The following AGPAT3 variants were observed in gnomAD, a reference collection of about 807,000 sequenced individuals.
The protein encoded by AGPAT3 is 1-acyl-sn-glycerol-3-phosphate acyltransferase gamma.
Under a neutral mutation model 47.3 loss-of-function variants are expected in AGPAT3, and 5 were observed. That is an observed-to-expected ratio of 0.11 (90% CI 0.06 to 0.22). AGPAT3 has a LOEUF of 0.22. Among genes scored for constraint, AGPAT3 ranks in the 10% least tolerant of loss-of-function variants. AGPAT3 has a pLI of 1.00. For synonymous variants in AGPAT3, 212 were observed against 208.3 expected (o/e 1.02, Z -0.15); for missense variants, 315 against 493.0 (o/e 0.64, Z 3.42).
chr21:43,932,044 A>G lies in AGPAT3; in HGVS notation c.-48-27590A>G, dbSNP rs1213276211. Among the ~76,000 whole-genome samples, 1 of 152,040 alleles carries G rather than the reference A, an allele frequency of 6.6e-6. No homozygotes were observed. Among genetic ancestry groups the G allele is most frequent in the Non-Finnish European group, 1.5e-5 (1 of 68,018 alleles). On this transcript the variant is annotated intron_variant, in intron 2 of 9. Coordinates refer to ENST00000291572, the MANE Select transcript of AGPAT3 (RefSeq NM_020132.5). The surrounding 1 kb of genome is among the most constrained non-coding windows in gnomAD (Gnocchi z 5.2). ...GTGTATATGGAGTACCATGTGATCT[A>G]TGTGTACATTGTAGAAAGATTAATT...
intron 2 of AGPAT3, among the ~76,000 whole-genome samples, chr21:43,918,800 C>T (rs2086822596): frequency 1.3e-5 from 2 of 152,196 alleles, no homozygotes; most frequent in Admixed American, 1.3e-4. Flanking sequence ...TGGTCTTGAA[C>T]TCCTGGCCTC....
chr21:43,912,934 C>T (rs2086658100), intron 2 of AGPAT3, among the ~76,000 whole-genome samples: 1 of 152,242 alleles, frequency 6.6e-6, no homozygotes, highest in Admixed American at 6.5e-5. Context: ...GAAATGCTGA[C>T]TGTGGCCTGT....
intron 2 of AGPAT3, among the ~76,000 whole-genome samples, chr21:43,959,082 TG>T (rs542882562): frequency 1.6e-4 from 20 of 122,028 alleles, no homozygotes; most frequent in Middle Eastern, 6.0e-3. Flanking sequence ...GTGTGGTTTG[TG>T]GTGTGTGTGT....
At chr21:43,868,810 T>C (rs1010349194) in intron 1 of AGPAT3, among the ~76,000 whole-genome samples, 6 of 152,160 alleles carry the variant, frequency 3.9e-5, no homozygotes, top group Non-Finnish European at 7.4e-5. Flanking sequence ...TCTACATCCC[T>C]GTAAGGAGAG....
At chr21:43,873,068 G>A (rs960923918) in intron 1 of AGPAT3, among the ~76,000 whole-genome samples, 2 of 152,212 alleles carry the variant, frequency 1.3e-5, no homozygotes, top group Non-Finnish European at 2.9e-5. Context: ...GAGCACTGGT[G>A]CCAGCGTGGC....
chr21:43,923,045 G>T (rs2086941607), intron 2 of AGPAT3, among the ~76,000 whole-genome samples: 1 of 152,182 alleles, frequency 6.6e-6, no homozygotes, highest in Admixed American at 6.5e-5. Flanking sequence ...AAAACCAGCT[G>T]CAGGTGTCTG....
chr21:43,952,451 C>T lies in AGPAT3; in HGVS notation c.-48-7183C>T, dbSNP rs578174483. Among the ~76,000 whole-genome samples, 2 of 152,206 alleles carry T rather than the reference C, an allele frequency of 1.3e-5. No individual in the cohort carries two copies. Among genetic ancestry groups the T allele is most frequent in the South Asian group, 2.1e-4 (1 of 4,818 alleles). On this transcript the variant is annotated intron_variant, in intron 2 of 9. Transcript: ENST00000291572. The surrounding 1 kb of genome is among the most constrained non-coding windows in gnomAD (Gnocchi z 5.6). ...AAAAGGTGGCAGAATTGGGTGTGGG[C>T]GTGTGGGGCTGGGCTCTGATTGGCA... is the stretch of plus-strand genomic sequence containing the variant.
chr21:43,940,687 C>T (rs1174367330), intron 2 of AGPAT3, among the ~76,000 whole-genome samples: 4 of 152,252 alleles, frequency 2.6e-5, no homozygotes, highest in Non-Finnish European at 5.9e-5. Context: ...AAGGCAGGTG[C>T]TGTAGGATGG....
rs558998525 is a variant in AGPAT3, at chr21:43,985,914, C to T, written c.*3522C>T. On this transcript the variant is annotated 3_prime_UTR_variant, in exon 10 of 10. Transcript: ENST00000291572. Reference sequence around the variant, plus strand: ...CGGCCAGCCCGAAAAGCCTGCCTGCCTTCTTTCTGGAAACAGCACGTCCCC... The same window carrying T: ...CGGCCAGCCCGAAAAGCCTGCCTGCTTTCTTTCTGGAAACAGCACGTCCCC... 1 of 152,730 alleles carries T rather than the reference C, an allele frequency of 6.5e-6. No homozygotes were observed. The highest frequency in any genetic ancestry group is 1.9e-4 in the East Asian group (1 of 5,180). The allele number at this position is 152,730 out of a possible 1,614,324, so 9.5% of individuals were successfully genotyped here.
In AGPAT3 at chr21:43,930,668, T is replaced by C. The variant is rs572376635; in HGVS notation, c.-49+26649T>C. The stretch of plus-strand genomic sequence containing the variant: ...TGTCGGGATGAGGGGAAGGCGGGGA[T>C]GAGGTGGGGGTGCACACCTGGGCTG... On this transcript the variant is annotated intron_variant, in intron 2 of 9. Transcript: ENST00000291572. The surrounding 1 kb of genome is among the most constrained non-coding windows in gnomAD (Gnocchi z 5.0). 2.8e-4 allele frequency among the ~76,000 whole-genome samples: 43 copies of C among 151,456 alleles called. No individual in the cohort carries two copies. The East Asian group carries it at 7.1e-3, about 25-fold the overall frequency.
At chr21:43,938,301 C>G (rs1189242895) in intron 2 of AGPAT3, among the ~76,000 whole-genome samples, 1 of 138,364 alleles carries the variant, frequency 7.2e-6, no homozygotes, top group East Asian at 2.2e-4. Flanking sequence ...AGTCAGAATT[C>G]TTGAATCTGC....
At chr21:43,948,680 G>A (rs575823009) in intron 2 of AGPAT3, among the ~76,000 whole-genome samples, 2 of 152,346 alleles carry the variant, frequency 1.3e-5, no homozygotes, top group Admixed American at 6.5e-5. Flanking sequence ...AAATCCATTG[G>A]TTGAGAAAAC....
intron 4 of AGPAT3, among the ~76,000 whole-genome samples, chr21:43,968,711 G>A (rs888705947): frequency 6.6e-6 from 1 of 152,084 alleles, no homozygotes; most frequent in Non-Finnish European, 1.5e-5. Context: ...TTGCCTTTGA[G>A]ATGACCCCAC....
Position 43,872,329 on chromosome 21 carries a change from C to T in AGPAT3, c.-112+6984C>T, listed in dbSNP as rs781132735. Among the ~76,000 whole-genome samples, 16 of 152,172 alleles carry T rather than the reference C, an allele frequency of 1.1e-4. No homozygotes were observed. The South Asian group carries it at 1.2e-3, about 12-fold the overall frequency. ...CCGAGTAGCTGAGATTACAGGCATA[C>T]GCCACCATGCCTAGCTAATTTTTGT... On this transcript the variant is annotated intron_variant, in intron 1 of 9. Transcript: ENST00000291572.
intron 1 of AGPAT3, among the ~76,000 whole-genome samples, chr21:43,899,463 C>T (rs183324005): frequency 4.7e-4 from 71 of 152,304 alleles, no homozygotes; most frequent in African/African-American, 1.6e-3. Context: ...ATCACAGATC[C>T]GGCCGGGGAT....
chr21:43,959,011 T>A (rs1406691640), intron 2 of AGPAT3, among the ~76,000 whole-genome samples: 2 of 137,824 alleles, frequency 1.5e-5, no homozygotes, highest in African/African-American at 2.8e-5. Flanking sequence ...GTAGCATGTG[T>A]GTGGTTTGCA....
At chr21:43,866,378 G>A (rs969242195) in intron 1 of AGPAT3, among the ~76,000 whole-genome samples, 1 of 152,106 alleles carries the variant, frequency 6.6e-6, no homozygotes, top group African/African-American at 2.4e-5. Flanking sequence ...GAGCCTGCTG[G>A]GGGCTGGGAG....
chr21:43,906,301 T>C (rs747267402), intron 2 of AGPAT3, among the ~76,000 whole-genome samples: 7 of 152,122 alleles, frequency 4.6e-5, no homozygotes, highest in Admixed American at 1.3e-4. Context: ...GTTGCAAAAC[T>C]AAGCAGACGG....
chr21:43,884,308 G>A (rs2085921828), intron 1 of AGPAT3, among the ~76,000 whole-genome samples: 1 of 148,054 alleles, frequency 6.8e-6, no homozygotes, highest in Admixed American at 6.9e-5. Flanking sequence ...CCTGCTGAGG[G>A]CATTTGGCCT....
Sources: gnomAD v4.1 joint callset for allele counts (sites outside exome capture counted in the v4.1 genomes callset) on GRCh38, gnomAD v4.1.1 for gene constraint, Gnocchi (gnomAD v3.1) non-coding constraint, MANE v1.5 for transcripts, NCBI Gene and HGNC (gene_info 2026-07-23, HGNC 2026-07-21) for gene names.